RNF128: variants seen among roughly 807,000 people sequenced by gnomAD.
The protein encoded by RNF128 is E3 ubiquitin-protein ligase RNF128.
Under a neutral mutation model 26.2 loss-of-function variants are expected in RNF128, and 13 were observed. The ratio of observed to expected loss-of-function variants is 0.50; its 90% CI spans 0.32 to 0.79. RNF128 has a LOEUF of 0.79. RNF128 is among the 30% of genes least tolerant of loss of function. The pLI is 0.03. For synonymous variants in RNF128, 149 were observed against 142.5 expected (o/e 1.05, Z -0.32); for missense variants, 315 against 349.7 (o/e 0.90, Z 0.79).
exon 1 of RNF128, chrX:106,694,299 T>C (rs1406676503): frequency 4.1e-6 from 5 of 1,208,494 alleles, no homozygotes; most frequent in Non-Finnish European, 4.5e-6. Flanking sequence ...AAAGAGGTAA[T>C]TGTACATTTT....
chrX:106,766,249 T>A (rs1281935552), intron 1 of RNF128, among the ~76,000 whole-genome samples: 3 of 112,032 alleles, frequency 2.7e-5, no homozygotes, highest in Middle Eastern at 4.6e-3. Flanking sequence ...GATGGCTAGA[T>A]CAAATGGTAT....
intron 2 of RNF128, among the ~76,000 whole-genome samples, chrX:106,775,960 T>A (rs751273232): frequency 1.8e-5 from 2 of 112,480 alleles, no homozygotes; most frequent in East Asian, 5.6e-4. Context: ...CCAGACAGAA[T>A]AGCCTCATAT....
At position 106,720,132 on chromosome X, in the gene RNF128, G is replaced by C. The variant is rs1019029312; in HGVS notation, c.406+25724G>C. ...TAGGTTTGCCCAATACCAGAGTGGG[G>C]AGTAAAGACCACTCATCTCCATAGT... On this transcript the variant is annotated intron_variant, in intron 1 of 6. Coordinates refer to the RNF128 transcript ENST00000324342. 2.2e-4 allele frequency among the ~76,000 whole-genome samples: 24 copies of C among 109,805 alleles called. No individual in the cohort carries two copies. The East Asian group carries it at 7.0e-3, about 32-fold the overall frequency.
At chrX:106,777,783 A>G (rs900260550) in intron 2 of RNF128, among the ~76,000 whole-genome samples, 27 of 111,235 alleles carry the variant, frequency 2.4e-4, no homozygotes, top group Non-Finnish European at 7.5e-5. Flanking sequence ...CAACCTGTGC[A>G]ACATGGCAAA....
At chrX:106,777,848 T>G in intron 2 of RNF128, among the ~76,000 whole-genome samples, 1 of 111,050 alleles carries the variant, frequency 9.0e-6, no homozygotes, top group South Asian at 3.9e-4. Flanking sequence ...CATGTGCCTG[T>G]AGTCCCAGCT....
Position 106,787,904 on chromosome X carries a change from C to T in RNF128, c.805-14C>T, listed in dbSNP as rs765908726. ...TTCTTATCTGTCAGAGTAACAATAA[C>T]TACTTGCTTGTAGGAAATTGGCCCT... is the stretch of plus-strand genomic sequence containing the variant. On this transcript the variant is annotated splice_polypyrimidine_tract_variant and intron_variant, in intron 3 of 6. Transcript: ENST00000255499. 2 of 1,146,290 alleles carry T rather than the reference C, an allele frequency of 1.7e-6. No homozygotes were observed. The highest frequency in any genetic ancestry group is 2.4e-6 in the Non-Finnish European group (2 of 844,921). The allele number at this position is 1,146,290 out of a possible 1,213,427, so 94.5% of individuals were successfully genotyped here. A position where few individuals can be genotyped will look rare whatever the true frequency, so the allele number is the denominator to read the frequency against.
chrX:106,788,345 ATATAT>A (rs1930699330), intron 4 of RNF128, among the ~76,000 whole-genome samples: 1 of 54,046 alleles, frequency 1.9e-5, no homozygotes, highest in Non-Finnish European at 3.0e-5. Context: ...TATATATAAT[ATATAT>A]TATATACTAT....
At chrX:106,747,428 A>C (rs1022081630) in intron 1 of RNF128, among the ~76,000 whole-genome samples, 2 of 111,453 alleles carry the variant, frequency 1.8e-5, no homozygotes, top group East Asian at 5.6e-4. Context: ...TTAGAAAAAT[A>C]GGATGAAATT....
intron 1 of RNF128, among the ~76,000 whole-genome samples, chrX:106,765,213 G>A (rs1930196950): frequency 9.0e-6 from 1 of 111,719 alleles, no homozygotes; most frequent in Admixed American, 9.5e-5. Flanking sequence ...GTGTCTTTTG[G>A]AATGTTAAGG....
At chrX:106,783,191 TCTC>T (rs1358348762) in intron 2 of RNF128, among the ~76,000 whole-genome samples, 3 of 111,552 alleles carry the variant, frequency 2.7e-5, no homozygotes, top group African/African-American at 6.5e-5. Flanking sequence ...TGGCTAATAT[TCTC>T]CTTGGCATTA....
chrX:106,786,496 A>G (rs746118783), intron 3 of RNF128, among the ~76,000 whole-genome samples: 10 of 111,864 alleles, frequency 8.9e-5, no homozygotes, highest in African/African-American at 3.2e-4. Flanking sequence ...TAGAACTATG[A>G]AATTTTTAGA....
intron 1 of RNF128, among the ~76,000 whole-genome samples, chrX:106,706,101 C>G (rs189510681): frequency 3.6e-5 from 4 of 111,757 alleles, no homozygotes; most frequent in South Asian, 7.5e-4. Context: ...ACCTCCACGA[C>G]ATGGGAGACC....
chrX:106,755,618 A>G (rs1230579958), intron 1 of RNF128, among the ~76,000 whole-genome samples: 5 of 111,934 alleles, frequency 4.5e-5, no homozygotes, highest in African/African-American at 1.6e-4. Context: ...ACATAAATCA[A>G]TCAATGTCCT....
chrX:106,777,633 T>C (rs769825693), intron 2 of RNF128, among the ~76,000 whole-genome samples: 2 of 111,975 alleles, frequency 1.8e-5, no homozygotes, highest in Admixed American at 1.9e-4. Context: ...GTCTAGTGAA[T>C]GTGAAGAAAG....
intron 1 of RNF128, among the ~76,000 whole-genome samples, chrX:106,758,852 T>G (rs1228581057): frequency 9.0e-6 from 1 of 110,754 alleles, no homozygotes; most frequent in Non-Finnish European, 1.9e-5. Context: ...CTGGGGAAAC[T>G]CTCCAGGACA....
intron 1 of RNF128, among the ~76,000 whole-genome samples, chrX:106,764,129 A>AT (rs1281472962): frequency 3.2e-4 from 34 of 105,340 alleles, no homozygotes; most frequent in African/African-American, 6.2e-4. Context: ...CGCCCGACTA[A>AT]TTTTTTTTTG....
At chrX:106,795,418 A>G (rs1343158411) in intron 6 of RNF128, among the ~76,000 whole-genome samples, 162 bp from the exon 7 acceptor site, 1 of 111,978 alleles carries the variant, frequency 8.9e-6, no homozygotes, top group African/African-American at 3.2e-5. Context: ...TTTATGTAAG[A>G]TATAGCATAA....
chrX:106,723,019 C>T (rs1039582349), upstream of RNF128, among the ~76,000 whole-genome samples: 44 of 111,511 alleles, frequency 3.9e-4, no homozygotes, highest in African/African-American at 1.4e-3. Context: ...CAGTCTTGTC[C>T]TCATACAATC....
chrX:106,772,842 C>A, intron 1 of RNF128, 71 bp from the exon 2 acceptor site: 1 of 1,069,362 alleles, frequency 9.4e-7, no homozygotes, highest in Non-Finnish European at 1.3e-6. Context: ...CATTTAAAAT[C>A]ATTTTAGCAA....
Sources: allele counts gnomAD v4.1 joint callset (sites outside exome capture counted in the v4.1 genomes callset), GRCh38; gene constraint gnomAD v4.1.1; transcripts MANE v1.5; gene names NCBI Gene and HGNC (gene_info 2026-07-23, HGNC 2026-07-21).